CAST: variants seen among roughly 807,000 people sequenced by gnomAD.
CAST encodes calpastatin.
CAST carries 76 observed loss-of-function variants against 119.6 expected under a neutral mutation model. The ratio of observed to expected loss-of-function variants is 0.64; its 90% CI spans 0.53 to 0.77. CAST has a LOEUF of 0.77. Among genes scored for constraint, CAST ranks in the 30% least tolerant of loss-of-function variants. CAST has a pLI of 0.00. For missense variants in CAST, 953 were observed against 946.5 expected, an observed-to-expected ratio of 1.01 and a Z score of -0.09; for synonymous variants, 319 against 331.6, an observed-to-expected ratio of 0.96 and a Z score of 0.41.
chr5:96,681,471 C>T (rs912726570), intron 2 of CAST, among the ~76,000 whole-genome samples: 8 of 152,134 alleles, frequency 5.3e-5, no homozygotes, highest in Admixed American at 3.9e-4. Context: ...CGGTGGCTCA[C>T]GCCTGTAATC....
At chr5:96,432,987 C>G in the CAST span, 1 of 1,614,144 alleles carries the variant, frequency 6.2e-7, no homozygotes, top group East Asian at 2.2e-5. Flanking sequence ...CAGTGCACAC[C>G]AAGCGCAAAA....
intron 2 of CAST, among the ~76,000 whole-genome samples, chr5:96,682,678 A>G (rs1751585331): frequency 6.6e-6 from 1 of 152,120 alleles, no homozygotes; most frequent in Non-Finnish European, 1.5e-5. Flanking sequence ...TGTGATGAGC[A>G]CATTGTCCTT....
chr5:96,285,425 G>A, the CAST span, among the ~76,000 whole-genome samples: 5 of 152,214 alleles, frequency 3.3e-5, no homozygotes, highest in African/African-American at 1.2e-4. Context: ...ACAGGATTAA[G>A]CTCCAGGTTT....
intron 3 of CAST, among the ~76,000 whole-genome samples, chr5:96,705,146 C>G (rs1754678368): frequency 6.6e-6 from 1 of 151,890 alleles, no homozygotes; most frequent in Admixed American, 6.6e-5. Flanking sequence ...ATAGCAAGAC[C>G]CTGTCTCTAC....
At chr5:96,297,023 A>G in the CAST span, among the ~76,000 whole-genome samples, 1 of 143,862 alleles carries the variant, frequency 7.0e-6, no homozygotes, top group Non-Finnish European at 1.5e-5. Flanking sequence ...TTATAAAATC[A>G]TAAGAGTTGT....
At chr5:96,225,529 G>T in the CAST span, among the ~76,000 whole-genome samples, 1 of 152,112 alleles carries the variant, frequency 6.6e-6, no homozygotes, top group Non-Finnish European at 1.5e-5. Context: ...TTATGTTGGG[G>T]GGCATTGGGT....
At chr5:96,296,948 A>G in the CAST span, among the ~76,000 whole-genome samples, 3 of 152,108 alleles carry the variant, frequency 2.0e-5, no homozygotes, top group East Asian at 5.8e-4. Context: ...GCTTCTCTAC[A>G]TTCGATAATA....
chr5:96,537,781 T>A (rs1337597102), intron 1 of CAST, among the ~76,000 whole-genome samples: 1 of 152,208 alleles, frequency 6.6e-6, no homozygotes, highest in Non-Finnish European at 1.5e-5. Flanking sequence ...GCCATGGTTC[T>A]TTTTTCCCAA....
At chr5:96,142,355 A>C in the CAST span, among the ~76,000 whole-genome samples, 3 of 152,358 alleles carry the variant, frequency 2.0e-5, no homozygotes, top group Non-Finnish European at 4.4e-5. Context: ...CAGAGGTTGC[A>C]GTGAGCTGAG....
chr5:96,092,879 G>A, the CAST span, among the ~76,000 whole-genome samples: 8 of 152,170 alleles, frequency 5.3e-5, no homozygotes, highest in African/African-American at 1.2e-4. Flanking sequence ...GAGAGACACC[G>A]TGTAGCTTAA....
the CAST span, among the ~76,000 whole-genome samples, chr5:96,494,167 C>T: frequency 2.0e-5 from 3 of 152,208 alleles, no homozygotes; most frequent in African/African-American, 7.2e-5. Flanking sequence ...TGAACCATTC[C>T]CCAGATAACA....
At chr5:96,428,957 G>GAT in the CAST span, among the ~76,000 whole-genome samples, 1 of 151,734 alleles carries the variant, frequency 6.6e-6, no homozygotes, top group African/African-American at 2.4e-5. Context: ...ATTAACTTTA[G>GAT]ATATATATGT....
At chr5:96,017,246 T>C in the CAST span, among the ~76,000 whole-genome samples, 1 of 152,216 alleles carries the variant, frequency 6.6e-6, no homozygotes, top group African/African-American at 2.4e-5. Context: ...GGGAGGAACA[T>C]GTGACTTACT....
At chr5:96,338,589 T>C in the CAST span, among the ~76,000 whole-genome samples, 1 of 152,216 alleles carries the variant, frequency 6.6e-6, no homozygotes, top group African/African-American at 2.4e-5. Flanking sequence ...AGATTTAGTC[T>C]AAAGAGATTC....
the CAST span, among the ~76,000 whole-genome samples, chr5:96,336,562 T>C: frequency 6.6e-6 from 1 of 152,184 alleles, no homozygotes; most frequent in African/African-American, 2.4e-5. Flanking sequence ...ACTTGTCTGT[T>C]ATGAAGAGTG....
chr5:96,377,442 C>G, the CAST span, among the ~76,000 whole-genome samples: 1 of 152,050 alleles, frequency 6.6e-6, no homozygotes, highest in Non-Finnish European at 1.5e-5. Context: ...CTCTTTTATA[C>G]TGCATTTTAA....
At chr5:96,553,186 A>C (rs1398461102) in intron 1 of CAST, among the ~76,000 whole-genome samples, 1 of 152,236 alleles carries the variant, frequency 6.6e-6, no homozygotes, top group East Asian at 1.9e-4. Flanking sequence ...AACCGAATCC[A>C]GCAGCACATC....
At chr5:96,039,217 G>A in the CAST span, among the ~76,000 whole-genome samples, 3 of 152,020 alleles carry the variant, frequency 2.0e-5, no homozygotes, top group Non-Finnish European at 2.9e-5. Flanking sequence ...TTTTGATGGG[G>A]TTGTTTGCTT....
the CAST span, among the ~76,000 whole-genome samples, chr5:96,129,246 C>T: frequency 1.3e-5 from 2 of 152,102 alleles, no homozygotes; most frequent in African/African-American, 4.8e-5. Context: ...TATATGCTTT[C>T]ATTTAAAATG....
Sources: gnomAD v4.1 joint callset for allele counts (sites outside exome capture counted in the v4.1 genomes callset) on GRCh38, gnomAD v4.1.1 for gene constraint, MANE v1.5 for transcripts, NCBI Gene and HGNC (gene_info 2026-07-23, HGNC 2026-07-21) for gene names.